Variants in LACTBL1 observed in about 807,000 individuals in gnomAD.
LACTBL1 encodes lactamase beta like 1.
In LACTBL1, 29 loss-of-function variants were observed where a neutral mutation model predicts 39.6. That is an observed-to-expected ratio of 0.73 (90% CI 0.55 to 1.00). The LOEUF (loss-of-function observed/expected upper bound fraction) is 1.00. Among genes scored for constraint, LACTBL1 ranks in the 50% least tolerant of loss-of-function variants. LACTBL1 has a pLI of 0.00. For missense variants in LACTBL1, 711 were observed against 748.5 expected, an observed-to-expected ratio of 0.95 and a Z score of 0.59; for synonymous variants, 361 against 360.7, an observed-to-expected ratio of 1.00 and a Z score of -0.01.
chr1:22,958,989 C>A, intron 3 of LACTBL1, 69 bp from the exon 6 acceptor site: 1 of 991,634 alleles, frequency 1.0e-6, no homozygotes, highest in Non-Finnish European at 1.5e-6. Context: ...CTCCTGCCCC[C>A]ATCCTGCAAC....
At chr1:22,967,966 T>C (rs1640900224), upstream of LACTBL1, among the ~76,000 whole-genome samples, 1 of 152,208 alleles carries the variant, frequency 6.6e-6, no homozygotes, top group Admixed American at 6.5e-5. Context: ...TCTGTGTACC[T>C]TTCATGGATC....
intron 4 of LACTBL1, 116 bp downstream of exon 6, chr1:22,958,569 G>C (rs1311186646): frequency 3.7e-6 from 3 of 806,900 alleles, no homozygotes; most frequent in African/African-American, 3.5e-5. Flanking sequence ...GAGGGACGTA[G>C]GGCCAGTTCA....
chr1:22,955,090 G>A (rs1385809610), intron 5 of LACTBL1, among the ~76,000 whole-genome samples: 2 of 152,248 alleles, frequency 1.3e-5, no homozygotes, highest in Non-Finnish European at 2.9e-5. Flanking sequence ...CTCAATAAAT[G>A]TTAAGTGGGT....
intron 3 of LACTBL1, 150 bp downstream of exon 5, chr1:22,959,792 C>A: frequency 1.1e-6 from 1 of 910,564 alleles, no homozygotes; most frequent in Non-Finnish European, 1.6e-6. Flanking sequence ...GGACTTCGGT[C>A]TCCTCTTCTA....
exon 6 of LACTBL1, chr1:22,953,931 G>C (rs12048993): frequency 6.5e-7 from 1 of 1,550,090 alleles, no homozygotes; most frequent in Non-Finnish European, 8.7e-7. Flanking sequence ...GCTCCAGCAC[G>C]TTCTCCGAGA....
At chr1:22,967,872 T>G (rs917060349), upstream of LACTBL1, among the ~76,000 whole-genome samples, 1 of 152,192 alleles carries the variant, frequency 6.6e-6, no homozygotes, top group Non-Finnish European at 1.5e-5. Context: ...CCAAAGCAGT[T>G]CCTGGAACAT....
At chr1:22,961,371 T>A (rs756944177) in intron 2 of LACTBL1, among the ~76,000 whole-genome samples, 35 of 152,242 alleles carry the variant, frequency 2.3e-4, no homozygotes, top group Middle Eastern at 3.4e-3. Context: ...GTTTTGGTTT[T>A]TTGTTTTTTG....
chr1:22,958,566 G>A lies in LACTBL1; in HGVS notation c.553+119C>T, dbSNP rs913031177. On this transcript the variant is annotated intron_variant, in intron 4 of 5. Coordinates refer to ENST00000426928, the Ensembl canonical transcript of LACTBL1. ...ACCACCCACATCCCATGAGAGGGAC[G>A]TAGGGCCAGTTCAGGAAGCAGAGCC... 48 of 786,436 alleles carry A rather than the reference G, an allele frequency of 6.1e-5. No individual in the cohort carries two copies. The Middle Eastern group carries it at 2.3e-3, about 38-fold the overall frequency. The allele number at this position is 786,436 out of a possible 1,614,324, so 48.7% of individuals were successfully genotyped here. A position where few individuals can be genotyped will look rare whatever the true frequency, so the allele number is the denominator to read the frequency against.
chr1:22,963,324 C>CT, intron 1 of LACTBL1, 108 bp from the exon 4 acceptor site: 1 of 537,602 alleles, frequency 1.9e-6, no homozygotes, highest in East Asian at 3.5e-5. Context: ...CCCTCCCCAG[C>CT]CGAGCCGAGC....
intron 2 of LACTBL1, among the ~76,000 whole-genome samples, chr1:22,961,262 G>C (rs1431817803): frequency 6.6e-6 from 1 of 152,204 alleles, no homozygotes; most frequent in East Asian, 1.9e-4. Context: ...TGAGAAATGA[G>C]AGCCTATGAG....
exon 2 of LACTBL1, chr1:22,963,190 C>A: frequency 7.4e-7 from 1 of 1,345,508 alleles, no homozygotes; most frequent in South Asian, 2.1e-5. Flanking sequence ...CTCACAGGGG[C>A]AGAGGTCTCC....
the LACTBL1 span, chr1:22,972,384 G>T: frequency 3.0e-6 from 3 of 985,076 alleles, no homozygotes; most frequent in Non-Finnish European, 3.6e-6. Context: ...GATCCCGTAA[G>T]CAGGAAACTG....
chr1:22,957,667 T>G (rs1366254608), intron 4 of LACTBL1, among the ~76,000 whole-genome samples: 1 of 105,252 alleles, frequency 9.5e-6, no homozygotes, highest in Non-Finnish European at 2.1e-5. Context: ...TTTTTTTTTT[T>G]GAGACAGAGT....
At chr1:22,967,111 G>A (rs1304380639), upstream of LACTBL1, among the ~76,000 whole-genome samples, 5 of 151,996 alleles carry the variant, frequency 3.3e-5, no homozygotes, top group Non-Finnish European at 5.9e-5. Context: ...GCTCACACCT[G>A]TAATCCTAGC....
chr1:22,972,239 G>A, the LACTBL1 span: 7 of 947,956 alleles, frequency 7.4e-6, no homozygotes, highest in African/African-American at 7.1e-5. Context: ...CCAGAAGGAC[G>A]GTGGCATGGT....
chr1:22,953,109 G>T, exon 6 of LACTBL1: 1 of 1,229,928 alleles, frequency 8.1e-7, no homozygotes, highest in Non-Finnish European at 1.0e-6. Context: ...GGCCGGGCAC[G>T]TCGAAGCCGG....
exon 2 of LACTBL1, chr1:22,963,135 A>T (rs1557434048): frequency 7.8e-7 from 1 of 1,287,754 alleles, no homozygotes; most frequent in Non-Finnish European, 9.9e-7. Context: ...CAACACGGGG[A>T]GTGGGTGAGC....
intron 4 of LACTBL1, 57 bp from the exon 7 acceptor site, chr1:22,955,483 C>T (rs1640752392): frequency 1.7e-6 from 2 of 1,158,952 alleles, no homozygotes; most frequent in Non-Finnish European, 2.5e-6. Context: ...GATGGTGGGC[C>T]CCTGGGTGCA....
In LACTBL1 at chr1:22,963,233, A is replaced by C; in HGVS notation, c.50-17T>G. 1 of 1,288,492 alleles carries C rather than the reference A, an allele frequency of 7.8e-7. No homozygotes were observed. The highest frequency in any genetic ancestry group is 1.0e-6 in the Non-Finnish European group (1 of 987,184). The allele number at this position is 1,288,492 out of a possible 1,614,324, so 79.8% of individuals were successfully genotyped here. On this transcript the variant is annotated splice_polypyrimidine_tract_variant and intron_variant, in intron 1 of 5. Transcript: ENST00000426928. ...CCAGGGAACCTGGAGGGAACATCAC[A>C]TGGTGAGGAGGGGACAGAGATCAGG...
Sources: gnomAD v4.1 joint callset for allele counts (sites outside exome capture counted in the v4.1 genomes callset) on GRCh38, gnomAD v4.1.1 for gene constraint, MANE v1.5 for transcripts, NCBI Gene and HGNC (gene_info 2026-07-23, HGNC 2026-07-21) for gene names.